SLF2: variants seen among roughly 807,000 people sequenced by gnomAD.
SLF2 encodes the protein SMC5/6 complex localization factor 2.
Under a neutral mutation model 124.3 loss-of-function variants are expected in SLF2, and 68 were observed. That is an observed-to-expected ratio of 0.55 (90% CI 0.45 to 0.67). The LOEUF (loss-of-function observed/expected upper bound fraction) is 0.67, where lower values mean the gene tolerates loss of function less well. Ranked by LOEUF, SLF2 falls within the 30% of genes least tolerant of loss-of-function variation. The pLI, the probability that SLF2 is intolerant of heterozygous loss-of-function variation, is 0.00. For missense variants in SLF2, 1,246 were observed against 1,373.7 expected, an observed-to-expected ratio of 0.91 and a Z score of 1.47; for synonymous variants, 480 against 478.8, an observed-to-expected ratio of 1.00 and a Z score of -0.03.
In SLF2 at chr10:100,916,028, C is replaced by T; in HGVS notation, c.170C>T (p.Pro57Leu). ...CAGTCAATTATAGATTTCTTCAAAC[C>T]AGCTTCAAAACAAGGTATGTACACT... is the stretch of plus-strand genomic sequence containing the variant. ...RKQSIIDFFK[P>L]ASKQDRHMLD... is the part of the protein sequence containing the mutation. The change falls in exon 2 of 20, where the codon CCA (proline) becomes CTA (leucine). Residue 57 changes from proline to leucine, a missense_variant. Physicochemically the swap from Pro to Leu is moderately conservative, Grantham distance 98. Transcript: ENST00000238961. 2 of 1,611,954 alleles carry T rather than the reference C, an allele frequency of 1.2e-6. No homozygotes were observed. The highest frequency in any genetic ancestry group is 1.7e-6 in the Non-Finnish European group (2 of 1,178,768).
At chr10:100,935,782 G>A (rs1849836673) in intron 9 of SLF2, among the ~76,000 whole-genome samples, 1 of 151,354 alleles carries the variant, frequency 6.6e-6, no homozygotes, top group Non-Finnish European at 1.5e-5. Flanking sequence ...AGACTAACTA[G>A]ATGAAAGTAT....
intron 9 of SLF2, among the ~76,000 whole-genome samples, 156 bp downstream of exon 9, chr10:100,931,234 A>G (rs1390796522): frequency 6.6e-6 from 1 of 152,226 alleles, no homozygotes; most frequent in Non-Finnish European, 1.5e-5. Context: ...GAGTCAATAT[A>G]AAGAGATTAT....
At chr10:100,922,919 G>A (rs1041752634) in intron 4 of SLF2, among the ~76,000 whole-genome samples, 2 of 151,874 alleles carry the variant, frequency 1.3e-5, no homozygotes, top group African/African-American at 4.8e-5. Flanking sequence ...GGGAGTACAG[G>A]CACGCACCAC....
intron 11 of SLF2, among the ~76,000 whole-genome samples, chr10:100,941,418 C>G (rs923555741): frequency 8.5e-5 from 13 of 152,160 alleles, no homozygotes; most frequent in African/African-American, 3.1e-4. Flanking sequence ...ATTCTCACAT[C>G]CCTATGTTCC....
intron 17 of SLF2, among the ~76,000 whole-genome samples, chr10:100,952,120 T>C (rs2133822903): frequency 6.6e-6 from 1 of 151,434 alleles, no homozygotes; most frequent in Admixed American, 6.6e-5. Flanking sequence ...GGTGCGTGCA[T>C]GTAATCCCAG....
chr10:100,942,324 A>G (rs1472791792), intron 11 of SLF2, among the ~76,000 whole-genome samples: 1 of 152,182 alleles, frequency 6.6e-6, no homozygotes, highest in Non-Finnish European at 1.5e-5. Flanking sequence ...TATGTTCAAT[A>G]ATATGCTAGA....
intron 11 of SLF2, among the ~76,000 whole-genome samples, chr10:100,941,946 C>T (rs1849989845): frequency 6.6e-6 from 1 of 152,034 alleles, no homozygotes; most frequent in South Asian, 2.1e-4. Context: ...GGAAGTATCT[C>T]CAAGATACAT....
chr10:100,951,689 T>C (rs1850216301), intron 17 of SLF2, among the ~76,000 whole-genome samples: 2 of 152,222 alleles, frequency 1.3e-5, no homozygotes, highest in East Asian at 1.9e-4. Flanking sequence ...CAGAGTATGC[T>C]TTAGTTATTG....
Position 100,926,230 on chromosome 10 carries a change from G to A in SLF2, c.2042+211G>A, listed in dbSNP as rs929953565. The stretch of plus-strand genomic sequence containing the variant: ...GGGAGACCCAGGCAAGATTACTTGA[G>A]CCCAGGAGTTCAAGGCTGCGGTGAG... On this transcript the variant is annotated intron_variant, in intron 6 of 19. Coordinates refer to ENST00000238961, the MANE Select transcript of SLF2 (RefSeq NM_018121.4). 3 of 1,538,160 alleles carry A rather than the reference G, an allele frequency of 2.0e-6. No individual in the cohort carries two copies. In the African/African-American group the frequency reaches 4.1e-5, roughly 21 times the overall value.
chr10:100,939,944 A>C (rs1439769653), intron 11 of SLF2, among the ~76,000 whole-genome samples: 1 of 152,228 alleles, frequency 6.6e-6, no homozygotes, highest in African/African-American at 2.4e-5. Context: ...GCAACATTTC[A>C]GCTAGAGACT....
At chr10:100,929,708 C>G in intron 7 of SLF2, 122 bp from the exon 8 acceptor site, 2 of 754,714 alleles carry the variant, frequency 2.7e-6, no homozygotes, top group Non-Finnish European at 4.1e-6. Flanking sequence ...TTTTCTCATG[C>G]TAGTCTTCTA....
intron 9 of SLF2, among the ~76,000 whole-genome samples, chr10:100,933,387 T>C (rs904475744): frequency 6.6e-6 from 1 of 152,226 alleles, no homozygotes; most frequent in Non-Finnish European, 1.5e-5. Flanking sequence ...CATTTCTCCT[T>C]TTTTGATTCC....
intron 6 of SLF2, 24 bp from the exon 7 acceptor site, chr10:100,929,293 T>C: frequency 6.3e-7 from 1 of 1,591,270 alleles, no homozygotes; most frequent in South Asian, 1.1e-5. Flanking sequence ...AGTAAACTGT[T>C]ATAACATTCT....
At chr10:100,933,396 C>G (rs1216743768) in intron 9 of SLF2, among the ~76,000 whole-genome samples, 2 of 152,028 alleles carry the variant, frequency 1.3e-5, no homozygotes, top group African/African-American at 4.8e-5. Context: ...TTTTTTGATT[C>G]CAAGTCCGTT....
intron 3 of SLF2, among the ~76,000 whole-genome samples, chr10:100,917,855 G>C (rs924210346): frequency 1.3e-5 from 2 of 152,178 alleles, no homozygotes; most frequent in African/African-American, 4.8e-5. Flanking sequence ...CTAGGTGGAA[G>C]GATTGCTTGA....
At chr10:100,922,193 C>A (rs566178544) in intron 4 of SLF2, among the ~76,000 whole-genome samples, 211 of 152,334 alleles carry the variant, frequency 1.4e-3, no homozygotes, top group African/African-American at 5.0e-3. Context: ...GTCCTCCCAC[C>A]TGAGCCTCCA....
At chr10:100,915,878 A>G (rs1200040609) in intron 1 of SLF2, 121 bp from the exon 2 acceptor site, 3 of 753,534 alleles carry the variant, frequency 4.0e-6, no homozygotes, top group Non-Finnish European at 6.6e-6. Flanking sequence ...CCATTGTCAG[A>G]ACTTTATTAA....
rs1180182371 is a variant in SLF2 at position 100,940,569 on chromosome 10, C to G, written c.2654+1833C>G. 2.0e-5 allele frequency among the ~76,000 whole-genome samples: 3 copies of G among 152,208 alleles called. No homozygotes were observed. The South Asian group carries it at 6.2e-4, about 32-fold the overall frequency. On this transcript the variant is annotated intron_variant, in intron 11 of 19. Coordinates refer to ENST00000238961, the MANE Select transcript of SLF2 (RefSeq NM_018121.4). Reference sequence around the variant, plus strand: ...TGGAGACGAAGTTTTGCCATGTTGCCCAGGCTGGTCTCGAACCCCTGAGCT... The same window carrying G: ...TGGAGACGAAGTTTTGCCATGTTGCGCAGGCTGGTCTCGAACCCCTGAGCT...
chr10:100,925,590 G>A (rs754627541), intron 5 of SLF2, among the ~76,000 whole-genome samples: 5 of 152,176 alleles, frequency 3.3e-5, no homozygotes, highest in Admixed American at 6.5e-5. Flanking sequence ...GTAAAATTTG[G>A]TGGGGAAGGT....
Sources: gnomAD v4.1 joint callset for allele counts (sites outside exome capture counted in the v4.1 genomes callset) on GRCh38, gnomAD v4.1.1 for gene constraint, MANE v1.5 for transcripts, NCBI Gene and HGNC (gene_info 2026-07-23, HGNC 2026-07-21) for gene names.